AP3B2: variants seen among roughly 807,000 people sequenced by gnomAD.
AP3B2 encodes the protein AP-3 complex subunit beta-2.
Under a neutral mutation model 126.9 loss-of-function variants are expected in AP3B2, and 50 were observed. That is an observed-to-expected ratio of 0.39 (90% CI 0.31 to 0.50). The LOEUF (loss-of-function observed/expected upper bound fraction) is 0.50. Among genes scored for constraint, AP3B2 ranks in the 20% least tolerant of loss-of-function variants. AP3B2 has a pLI of 0.79. For synonymous variants in AP3B2, 541 were observed against 565.0 expected, an observed-to-expected ratio of 0.96 and a Z score of 0.60; for missense variants, 1,177 against 1,426.4, an observed-to-expected ratio of 0.83 and a Z score of 2.82.
intron 4 of AP3B2, among the ~76,000 whole-genome samples, chr15:82,682,006 C>T (rs2048347237): frequency 6.9e-6 from 1 of 145,084 alleles, no homozygotes; most frequent in African/African-American, 2.6e-5. Flanking sequence ...AGCTGCTGTT[C>T]TTCCACAGTG....
chr15:82,677,644 C>T (rs56127234), intron 12 of AP3B2, 27 bp downstream of exon 12: 34,932 of 1,505,070 alleles, frequency 0.023, 519 homozygotes, highest in Non-Finnish European at 0.027. Flanking sequence ...CTGATCATCA[C>T]GGTTAGACAC....
At position 82,681,473 on chromosome 15, in the gene AP3B2, G is replaced by A; in HGVS notation, c.468C>T (p.Asp156=). Residue 156 remains aspartate (D), a synonymous_variant, in exon 5 of 27, where the codon GAC becomes GAT. Coordinates refer to ENST00000535359, the MANE Select transcript of AP3B2 (RefSeq NM_001278512.2). The surrounding 1 kb of genome is among the most constrained non-coding windows in gnomAD (Gnocchi z 4.0). The part of the protein sequence containing the change: ...MMLAIKEAAS[D]MSPYVRKTAA... ...CTGTTTTCCGCACATAGGGTGACAT[G>A]TCCGAGGCGGCTTCCTTGATAGCTA... 6.2e-7 allele frequency: 1 copy of A among 1,614,016 alleles called. No individual in the cohort carries two copies. Among genetic ancestry groups the A allele is most frequent in the Non-Finnish European group, 8.5e-7 (1 of 1,179,896 alleles).
chr15:82,688,896 C>T (rs1567270009), intron 3 of AP3B2, 65 bp from the exon 4 acceptor site: 1 of 1,432,656 alleles, frequency 7.0e-7, no homozygotes, highest in Non-Finnish European at 9.5e-7. Context: ...CCCCCCTACC[C>T]CTGGGATGTC....
chr15:82,708,076 C>T (rs12907942), intron 1 of AP3B2, among the ~76,000 whole-genome samples: 2,014 of 152,316 alleles, frequency 0.013, 19 homozygotes, highest in Non-Finnish European at 0.019. Context: ...GTGACCTGCA[C>T]GTATACATCC....
chr15:82,683,054 T>TTC lies in AP3B2; in HGVS notation c.361-1475_361-1474insGA, dbSNP rs1452240114. The stretch of plus-strand genomic sequence containing the variant: ...ACAGCATCTGCACCAGGAGTTTTTT[T>TTC]TTTTTTTTTTTTTTTTTTTTTTGTA... On this transcript the variant is annotated intron_variant, in intron 4 of 26. Coordinates refer to ENST00000535359, the MANE Select transcript of AP3B2 (RefSeq NM_001278512.2). 1.4e-3 allele frequency among the ~76,000 whole-genome samples: 104 copies of TTC among 75,650 alleles called. 1 individual carries two copies. Among genetic ancestry groups the TTC allele is most frequent in the African/African-American group, 9.3e-3 (100 of 10,746 alleles). 49.6% of individuals were successfully genotyped at this position (75,650 alleles called of 152,430 possible).
At chr15:82,662,092 C>T in intron 24 of AP3B2, 76 bp downstream of exon 24, 1 of 1,431,038 alleles carries the variant, frequency 7.0e-7, no homozygotes, top group South Asian at 1.2e-5. Flanking sequence ...CTAAGCACCA[C>T]CTCCATTTCC....
rs1373513096 is a variant in AP3B2, at chr15:82,681,092, G to C, written c.588+20C>G. 6.2e-7 allele frequency: 1 copy of C among 1,613,434 alleles called. No individual in the cohort carries two copies. Among genetic ancestry groups the C allele is most frequent in the East Asian group, 2.2e-5 (1 of 44,846 alleles). On this transcript the variant is annotated intron_variant, in intron 6 of 26. Transcript: ENST00000535359. This position sits in a 1 kb window ranked among gnomAD's most constrained non-coding sequence, Gnocchi z 4.0. ...CGGCTGCCGGTCACCACCCCTCCCGGAGCGCCCCTATACACGCACCGTGGT... is the reference window on the plus strand; with the variant it reads ...CGGCTGCCGGTCACCACCCCTCCCGCAGCGCCCCTATACACGCACCGTGGT...
intron 14 of AP3B2, 82 bp from the exon 15 acceptor site, chr15:82,667,015 C>T: frequency 1.4e-6 from 2 of 1,419,400 alleles, no homozygotes; most frequent in East Asian, 2.3e-5. Context: ...TAAGCCGACA[C>T]TTTCAGGCAG....
intron 1 of AP3B2, among the ~76,000 whole-genome samples, chr15:82,709,077 A>C (rs2048838249): frequency 6.6e-6 from 1 of 152,120 alleles, no homozygotes; most frequent in Non-Finnish European, 1.5e-5. Flanking sequence ...CAATGCCAGG[A>C]GCAGGGATGT....
chr15:82,661,869 A>G lies in AP3B2; in HGVS notation c.2972T>C (p.Met991Thr), dbSNP rs371693920. Reference protein sequence around the residue: ...VSIQPPVGELMAPVFMSENEF... With the variant: ...VSIQPPVGELTAPVFMSENEF... Reference sequence around the variant, plus strand: ...ATTTTCACTCATGAACACAGGGGCCATCAGCTCCCCAACAGGTGGCTGAAT... The same window carrying G: ...ATTTTCACTCATGAACACAGGGGCCGTCAGCTCCCCAACAGGTGGCTGAAT... The change falls in exon 25 of 27, where the codon ATG (methionine) becomes ACG (threonine). Residue 991 changes from methionine (M) to threonine (T), a missense_variant. This residue lies in a region of AP3B2 where 587 missense variants were observed against 571.3 expected (regional missense o/e 1.03). Coordinates refer to ENST00000535359, the MANE Select transcript of AP3B2 (RefSeq NM_001278512.2). 1.9e-6 allele frequency: 3 copies of G among 1,613,748 alleles called. No individual in the cohort carries two copies. Among genetic ancestry groups the G allele is most frequent in the African/African-American group, 2.7e-5 (2 of 74,906 alleles).
intron 1 of AP3B2, among the ~76,000 whole-genome samples, chr15:82,700,208 A>G (rs933220710): frequency 1.3e-5 from 2 of 151,810 alleles, no homozygotes; most frequent in African/African-American, 4.8e-5. Context: ...GACCCTAGGC[A>G]TCTTAATCCT....
intron 1 of AP3B2, chr15:82,700,012 G>A (rs1222772501): frequency 2.5e-6 from 1 of 397,562 alleles, no homozygotes; most frequent in East Asian, 3.6e-5. Context: ...TCACTGCTCA[G>A]AGACAAGGCC....
At chr15:82,668,125 G>A (rs2048089909) in intron 14 of AP3B2, among the ~76,000 whole-genome samples, 1 of 152,206 alleles carries the variant, frequency 6.6e-6, no homozygotes, top group Non-Finnish European at 1.5e-5. Flanking sequence ...AAGCCCCTCA[G>A]ATGCTGACCC....
rs1264098697 is a variant in AP3B2 at position 82,662,748 on chromosome 15, C to T, written c.2779G>A (p.Val927Met). ...SSDTPIKGLH[V>M]GTPKLPAGIS... The stretch of plus-strand genomic sequence containing the variant: ...CCAGCAGGCAGTTTGGGAGTGCCCA[C>T]ATGCAGGCCCTTGATGGGGGTATCA... Residue 927 changes from valine to methionine, a missense_variant, in exon 23 of 27, where the codon GTG becomes ATG. By Grantham distance (21) the Val-to-Met change is conservative. This residue lies in a region of AP3B2 where 587 missense variants were observed against 571.3 expected (regional missense o/e 1.03). Coordinates refer to ENST00000535359, the MANE Select transcript of AP3B2 (RefSeq NM_001278512.2). 6.2e-7 allele frequency: 1 copy of T among 1,613,812 alleles called. No individual in the cohort carries two copies. Among genetic ancestry groups the T allele is most frequent in the African/African-American group, 1.3e-5 (1 of 74,940 alleles).
Position 82,665,384 on chromosome 15 carries a change from C to A in AP3B2, c.1971+73G>T. The A allele has an allele frequency of 1.0e-5, 1 of 98,864 alleles. No homozygotes were observed. Among genetic ancestry groups the A allele is most frequent in the Non-Finnish European group, 1.8e-5 (1 of 56,570 alleles). 6.1% of individuals were successfully genotyped at this position (98,864 alleles called of 1,614,324 possible). ...TACTGTCTGCCCCCACCAACACACA[C>A]ACACACACACACACACACACACACA... On this transcript the variant is annotated intron_variant, in intron 16 of 26. Transcript: ENST00000535359. The surrounding 1 kb of genome is among the most constrained non-coding windows in gnomAD (Gnocchi z 4.4).
Position 82,689,357 on chromosome 15 carries a change from GCCT to G in AP3B2, c.189+18_189+20del, listed in dbSNP as rs1467806640. 1 of 1,613,362 alleles carries G rather than the reference GCCT, an allele frequency of 6.2e-7. No individual in the cohort carries two copies. Among genetic ancestry groups the G allele is most frequent in the African/African-American group, 1.3e-5 (1 of 74,918 alleles). ...CCACCCAGGCCCCGCCCGGAGGGAGGCCTCCTCCTTCCCCTCTTACCGCCACAA... is the reference window on the plus strand; with the variant it reads ...CCACCCAGGCCCCGCCCGGAGGGAGGCCTCCTTCCCCTCTTACCGCCACAA... On this transcript the variant is annotated intron_variant, in intron 2 of 26. Transcript: ENST00000535359.
At position 82,680,894 on chromosome 15, in the gene AP3B2, G is replaced by A. The variant is rs1258139202; in HGVS notation, c.714C>T (p.Val238=). The A allele has an allele frequency of 1.9e-6, 3 of 1,613,738 alleles. No individual in the cohort carries two copies. Among genetic ancestry groups the A allele is most frequent in the Non-Finnish European group, 2.5e-6 (3 of 1,179,850 alleles). ...LIDVEEWGQV[V]IISMLTRYAR... ...CGTAGCGGGTGAGCATGCTGATGAT[G>A]ACCACCTGGCCCCACTCCTCCACGT... The change falls in exon 7 of 27, where the codon GTC becomes GTT. Residue 238 remains valine (V), a synonymous_variant. Transcript: ENST00000535359. The surrounding 1 kb of genome is among the most constrained non-coding windows in gnomAD (Gnocchi z 6.1).
Position 82,664,776 on chromosome 15 carries a change from G to T in AP3B2, c.2137+59C>A. On this transcript the variant is annotated intron_variant, in intron 18 of 26. Coordinates refer to ENST00000535359, the MANE Select transcript of AP3B2 (RefSeq NM_001278512.2). The surrounding 1 kb of genome is among the most constrained non-coding windows in gnomAD (Gnocchi z 4.5). ...ACCATATACATATACCCCTCATATA[G>T]TCAGTCACACAGATGCATGGGCAGA... 1 of 1,320,570 alleles carries T rather than the reference G, an allele frequency of 7.6e-7. No individual in the cohort carries two copies. The highest frequency in any genetic ancestry group is 1.1e-6 in the Non-Finnish European group (1 of 941,008). The allele number at this position is 1,320,570 out of a possible 1,614,324, so 81.8% of individuals were successfully genotyped here.
intron 14 of AP3B2, among the ~76,000 whole-genome samples, chr15:82,670,076 A>AG (rs1294969907): frequency 1.5e-5 from 2 of 137,574 alleles, no homozygotes; most frequent in Non-Finnish European, 3.1e-5. Flanking sequence ...CTCCAAAAAA[A>AG]AAAAAAAAAA....
Sources: allele counts gnomAD v4.1 joint callset (sites outside exome capture counted in the v4.1 genomes callset), GRCh38; gene constraint gnomAD v4.1.1; regional missense constraint gnomAD v4.1.1; non-coding constraint Gnocchi (gnomAD v3.1); transcripts MANE v1.5; gene names NCBI Gene and HGNC (gene_info 2026-07-23, HGNC 2026-07-21).